PCDHGA1: variants seen among roughly 807,000 people sequenced by gnomAD.
The protein encoded by PCDHGA1 is protocadherin gamma-A1.
In PCDHGA1, 32 loss-of-function variants were observed where a neutral mutation model predicts 58.0. The ratio of observed to expected loss-of-function variants is 0.55; its 90% confidence interval spans 0.42 to 0.74. The LOEUF (loss-of-function observed/expected upper bound fraction) is 0.74. Among genes scored for constraint, PCDHGA1 ranks in the 30% least tolerant of loss-of-function variants. The probability of loss-of-function intolerance (pLI) is 0.00; values close to 1 mark genes in which losing one functional copy is unlikely to be tolerated. For missense variants in PCDHGA1, 1,205 were observed against 1,182.3 expected, an observed-to-expected ratio of 1.02 and a Z score of -0.28; for synonymous variants, 498 against 501.1, an observed-to-expected ratio of 0.99 and a Z score of 0.08.
intron 1 of PCDHGA1, chr5:141,384,102 T>G (rs1156310174): frequency 1.3e-6 from 2 of 1,599,484 alleles, no homozygotes; most frequent in Admixed American, 3.4e-5. Flanking sequence ...TAGATAATTA[T>G]TATAGATTGG....
chr5:141,364,522 C>G (rs1763375621), intron 1 of PCDHGA1: 1 of 1,613,942 alleles, frequency 6.2e-7, no homozygotes, highest in Non-Finnish European at 8.5e-7. Flanking sequence ...AGCGCGGAGT[C>G]CGCATCGTCT....
At chr5:141,459,829 G>A in intron 1 of PCDHGA1, among the ~76,000 whole-genome samples, 1 of 152,178 alleles carries the variant, frequency 6.6e-6, no homozygotes, top group East Asian at 1.9e-4. Flanking sequence ...AACTTTTCAT[G>A]TGTTGTCTAT....
At chr5:141,333,627 G>T (rs1756476149) in intron 1 of PCDHGA1, 2 of 162,090 alleles carry the variant, frequency 1.2e-5, no homozygotes, top group Middle Eastern at 3.0e-3. Context: ...GTTCATATAA[G>T]ATTATAGAGA....
At chr5:141,384,075 T>C in intron 1 of PCDHGA1, 1 of 1,600,788 alleles carries the variant, frequency 6.2e-7, no homozygotes, top group Non-Finnish European at 8.5e-7. Context: ...ACCTACCTTT[T>C]AAATTAGAAA....
chr5:141,386,911 G>A (rs1312159511), intron 1 of PCDHGA1, among the ~76,000 whole-genome samples: 2 of 152,190 alleles, frequency 1.3e-5, no homozygotes, highest in South Asian at 2.1e-4. Flanking sequence ...AGGTCACCAA[G>A]GAATGTAAAA....
chr5:141,492,501 G>A (rs551410616), intron 1 of PCDHGA1, among the ~76,000 whole-genome samples: 8 of 152,302 alleles, frequency 5.3e-5, no homozygotes, highest in East Asian at 1.9e-4. Flanking sequence ...CGAGGACTCC[G>A]GAGCCTCCTC....
At position 141,360,059 on chromosome 5, in the gene PCDHGA1, A is replaced by G. The variant is rs568145843; in HGVS notation, c.2421+26954A>G. ...GGAAACAGAAAACAAAAGCAGGAAA[A>G]GTGACCTTAGCCCGGATTCTGCCAT... On this transcript the variant is annotated intron_variant, in intron 1 of 3. Coordinates refer to ENST00000517417, the MANE Select transcript of PCDHGA1 (RefSeq NM_018912.3). The G allele has an allele frequency of 1.4e-5, 20 of 1,450,538 alleles. No individual in the cohort carries two copies. In the Admixed American group the frequency reaches 3.3e-4, roughly 24 times the overall value. The allele number at this position is 1,450,538 out of a possible 1,614,324, so 89.9% of individuals were successfully genotyped here.
intron 1 of PCDHGA1, chr5:141,341,562 G>C: frequency 1.5e-6 from 2 of 1,327,510 alleles, no homozygotes; most frequent in Non-Finnish European, 2.0e-6. Flanking sequence ...TTCACAGGCT[G>C]TAAGAGGAAG....
chr5:141,450,893 C>T (rs1306212499), intron 1 of PCDHGA1, among the ~76,000 whole-genome samples: 3 of 149,144 alleles, frequency 2.0e-5, no homozygotes, highest in East Asian at 2.0e-4. Flanking sequence ...GGTGCGATAT[C>T]GGCTCACTGC....
intron 1 of PCDHGA1, among the ~76,000 whole-genome samples, chr5:141,492,824 C>T (rs1027583244): frequency 4.6e-5 from 7 of 152,236 alleles, no homozygotes. Context: ...ACCAGCGGCC[C>T]CTTCCTCCCG....
intron 1 of PCDHGA1, among the ~76,000 whole-genome samples, chr5:141,446,315 G>A (rs556077331): frequency 6.6e-6 from 1 of 152,188 alleles, no homozygotes; most frequent in East Asian, 1.9e-4. Context: ...TGATTCCTGG[G>A]TTTCCACATT....
chr5:141,389,914 C>G (rs754458764), intron 1 of PCDHGA1: 1 of 1,614,074 alleles, frequency 6.2e-7, no homozygotes, highest in Non-Finnish European at 8.5e-7. Flanking sequence ...ACTGACCGCC[C>G]CGACCCCTCT....
intron 2 of PCDHGA1, among the ~76,000 whole-genome samples, chr5:141,502,048 ACTTTATTCC>A (rs1055762924): frequency 6.6e-5 from 10 of 151,746 alleles, no homozygotes; most frequent in African/African-American, 2.4e-4. Context: ...TGCTCTCCCT[ACTTTATTCC>A]CATTAGCCCC....
rs768666162 is a variant in PCDHGA1, at chr5:141,346,229, G to A, written c.2421+13124G>A. Reference sequence around the variant, plus strand: ...TGCTGCAGGCTTCGGGAGGCGGCTTGGCGAGTACGCCCGGCTCGCACTTTG... The same window carrying A: ...TGCTGCAGGCTTCGGGAGGCGGCTTAGCGAGTACGCCCGGCTCGCACTTTG... On this transcript the variant is annotated intron_variant, in intron 1 of 3. Coordinates refer to ENST00000517417, the MANE Select transcript of PCDHGA1 (RefSeq NM_018912.3). The A allele has an allele frequency of 3.5e-5, 57 of 1,614,198 alleles. No homozygotes were observed. In the African/African-American group the frequency reaches 6.9e-4, roughly 20 times the overall value.
chr5:141,414,537 T>C (rs2095757230), intron 1 of PCDHGA1: 1 of 1,613,978 alleles, frequency 6.2e-7, no homozygotes, highest in Non-Finnish European at 8.5e-7. Flanking sequence ...ACAACCCACC[T>C]ACCTTCTCTC....
At position 141,350,326 on chromosome 5, in the gene PCDHGA1, G is replaced by T. The variant is rs369048621; in HGVS notation, c.2421+17221G>T. On this transcript the variant is annotated intron_variant, in intron 1 of 3. Transcript: ENST00000517417. ...TACTGTTTCCCTTCCTGCTGTCTTT[G>T]TTCTGCGGGGCCATCTCCCAGCAGA... 9 of 1,534,408 alleles carry T rather than the reference G, an allele frequency of 5.9e-6. No individual in the cohort carries two copies. Among genetic ancestry groups the T allele is most frequent in the African/African-American group, 1.4e-5 (1 of 72,254 alleles).
intron 1 of PCDHGA1, among the ~76,000 whole-genome samples, chr5:141,381,588 C>A (rs950260472): frequency 6.6e-6 from 1 of 152,192 alleles, no homozygotes; most frequent in African/African-American, 2.4e-5. Context: ...AATCCATTAT[C>A]CAGTTTCTTA....
intron 1 of PCDHGA1, among the ~76,000 whole-genome samples, chr5:141,467,735 C>T (rs557555571): frequency 3.3e-5 from 5 of 152,182 alleles, no homozygotes; most frequent in East Asian, 3.9e-4. Flanking sequence ...AATCCCAGCT[C>T]GCTGCAACCT....
intron 1 of PCDHGA1, chr5:141,394,313 C>G: frequency 6.2e-7 from 1 of 1,614,022 alleles, no homozygotes; most frequent in Non-Finnish European, 8.5e-7. Flanking sequence ...AGGGGGCGCC[C>G]CTGTCCTCGT....
Sources: gnomAD v4.1 joint callset for allele counts (sites outside exome capture counted in the v4.1 genomes callset) on GRCh38, gnomAD v4.1.1 for gene constraint, MANE v1.5 for transcripts, NCBI Gene and HGNC (gene_info 2026-07-23, HGNC 2026-07-21) for gene names.